The following LRRC37A2 variants were observed in gnomAD, a reference collection of about 807,000 sequenced individuals.
LRRC37A2 encodes the protein leucine-rich repeat-containing protein 37A2.
In LRRC37A2, 9 loss-of-function variants were observed where a neutral mutation model predicts 68.8. The ratio of observed to expected loss-of-function variants is 0.13; its 90% CI spans 0.08 to 0.23. The LOEUF (loss-of-function observed/expected upper bound fraction) is 0.23, where lower values mean the gene tolerates loss of function less well. Ranked by LOEUF, LRRC37A2 falls within the 10% of genes least tolerant of loss-of-function variation. LRRC37A2 has a pLI of 1.00. For missense variants in LRRC37A2, 168 were observed against 950.4 expected, an observed-to-expected ratio of 0.18 and a Z score of 10.82; for synonymous variants, 63 against 367.6, an observed-to-expected ratio of 0.17 and a Z score of 9.48.
downstream of LRRC37A2, chr17:46,558,745 G>A: frequency 1.5e-5 from 2 of 136,756 alleles, 1 homozygote; most frequent in Non-Finnish European, 3.1e-5. Flanking sequence ...GAACACCCTT[G>A]GATGCTGCTT....
At chr17:46,715,320 AG>A in the LRRC37A2 span, among the ~76,000 whole-genome samples, 1 of 152,204 alleles carries the variant, frequency 6.6e-6, no homozygotes, top group Non-Finnish European at 1.5e-5. Context: ...ATTTCCCTAG[AG>A]TAGGTAGGGC....
chr17:46,861,580 C>T, the LRRC37A2 span, among the ~76,000 whole-genome samples: 7 of 152,160 alleles, frequency 4.6e-5, no homozygotes, highest in Non-Finnish European at 1.0e-4. Flanking sequence ...TTATCCCCAT[C>T]GGACTCCAGA....
At chr17:46,495,605 G>C in the LRRC37A2 span, among the ~76,000 whole-genome samples, 1 of 150,730 alleles carries the variant, frequency 6.6e-6, no homozygotes, top group South Asian at 2.1e-4. Flanking sequence ...GGCTGGTCTC[G>C]AACTCCTGAC....
the LRRC37A2 span, among the ~76,000 whole-genome samples, chr17:46,899,717 C>T: frequency 6.6e-6 from 1 of 152,068 alleles, no homozygotes; most frequent in South Asian, 2.1e-4. Context: ...TGTGAATATA[C>T]ACTGAGTATA....
the LRRC37A2 span, among the ~76,000 whole-genome samples, chr17:46,972,597 C>T: frequency 6.6e-6 from 1 of 152,224 alleles, no homozygotes; most frequent in Non-Finnish European, 1.5e-5. Context: ...CATCTGGCTG[C>T]ATTGCTGTCA....
chr17:46,876,110 G>A, the LRRC37A2 span: 1 of 795,680 alleles, frequency 1.3e-6, no homozygotes, highest in Non-Finnish European at 2.0e-6. Context: ...AGGCCAAGGG[G>A]AGGAGCTGGG....
the LRRC37A2 span, among the ~76,000 whole-genome samples, chr17:46,822,175 C>T: frequency 4.6e-5 from 7 of 152,206 alleles, no homozygotes; most frequent in Admixed American, 2.6e-4. Context: ...AGGCCTCTGA[C>T]CTGGAGAGGA....
chr17:46,931,246 C>G, the LRRC37A2 span: 1 of 947,722 alleles, frequency 1.1e-6, no homozygotes, highest in African/African-American at 1.6e-5. Context: ...ATACTCCAGG[C>G]CCATCAAGAC....
At chr17:46,969,864 C>G in the LRRC37A2 span, among the ~76,000 whole-genome samples, 3 of 152,176 alleles carry the variant, frequency 2.0e-5, no homozygotes, top group Non-Finnish European at 4.4e-5. Context: ...TTCGCGATCC[C>G]CTTGCCCCCT....
At chr17:46,823,899 G>A in the LRRC37A2 span, among the ~76,000 whole-genome samples, 1 of 152,210 alleles carries the variant, frequency 6.6e-6, no homozygotes, top group African/African-American at 2.4e-5. Context: ...AGCTGTCAGC[G>A]TTAAATGAGA....
the LRRC37A2 span, among the ~76,000 whole-genome samples, chr17:46,863,192 G>A: frequency 3.3e-5 from 5 of 152,234 alleles, no homozygotes; most frequent in South Asian, 8.3e-4. Context: ...AAGGTTTGGC[G>A]GTGGGGCGTT....
chr17:46,958,844 G>A, the LRRC37A2 span, among the ~76,000 whole-genome samples: 61,179 of 152,138 alleles, frequency 0.4, 12,539 homozygotes, highest in South Asian at 0.48. Context: ...GCTCTAGCCT[G>A]CTCTGCTCCC....
the LRRC37A2 span, among the ~76,000 whole-genome samples, chr17:46,493,863 G>C: frequency 2.1e-3 from 318 of 149,032 alleles, 2 homozygotes; most frequent in Non-Finnish European, 1.1e-3. Flanking sequence ...ACAGAGTCTC[G>C]TTCTTTCACC....
the LRRC37A2 span, chr17:46,704,817 G>A: frequency 1.2e-6 from 2 of 1,609,054 alleles, no homozygotes; most frequent in South Asian, 2.2e-5. Context: ...GTGACGAGAG[G>A]AGACTTCCTT....
At chr17:46,882,964 G>T in the LRRC37A2 span, among the ~76,000 whole-genome samples, 1 of 151,926 alleles carries the variant, frequency 6.6e-6, no homozygotes, top group Non-Finnish European at 1.5e-5. Flanking sequence ...AACCCCAGGG[G>T]TCCATACAAC....
intron 6 of LRRC37A2, among the ~76,000 whole-genome samples, chr17:46,532,778 C>T (rs1330139532): frequency 1.4e-5 from 2 of 147,938 alleles, no homozygotes; most frequent in Non-Finnish European, 3.0e-5. Flanking sequence ...ATAGTAATGT[C>T]CCCTCTCATT....
At chr17:46,694,172 G>A in the LRRC37A2 span, among the ~76,000 whole-genome samples, 1 of 134,816 alleles carries the variant, frequency 7.4e-6, no homozygotes, top group Non-Finnish European at 1.5e-5. Flanking sequence ...ATCACTTGAG[G>A]CCAGTTGTTC....
chr17:46,862,593 G>T, the LRRC37A2 span, among the ~76,000 whole-genome samples: 2 of 151,982 alleles, frequency 1.3e-5, no homozygotes, highest in South Asian at 4.2e-4. Flanking sequence ...GTTTTGTTTT[G>T]TTTTTTTGAG....
chr17:46,754,568 ATC>A, the LRRC37A2 span, among the ~76,000 whole-genome samples: 1 of 152,264 alleles, frequency 6.6e-6, no homozygotes, highest in Non-Finnish European at 1.5e-5. Context: ...ATAACTTCAT[ATC>A]TCCTGTGGGC....
Sources: allele counts gnomAD v4.1 joint callset (sites outside exome capture counted in the v4.1 genomes callset), GRCh38; gene constraint gnomAD v4.1.1; transcripts MANE v1.5; gene names NCBI Gene and HGNC (gene_info 2026-07-23, HGNC 2026-07-21).